The following TMCC1 variants were observed in gnomAD, a reference collection of about 807,000 sequenced individuals.
TMCC1 encodes transmembrane and coiled-coil domains protein 1.
Under a neutral mutation model 52.4 loss-of-function variants are expected in TMCC1, and 15 were observed. The observed-to-expected ratio is 0.29, with a 90% CI of 0.19 to 0.44. The LOEUF (loss-of-function observed/expected upper bound fraction) is 0.44, where lower values mean the gene tolerates loss of function less well. Among genes scored for constraint, TMCC1 ranks in the 20% least tolerant of loss-of-function variants. TMCC1 has a pLI of 1.00. For missense variants in TMCC1, 503 were observed against 806.0 expected, an observed-to-expected ratio of 0.62 and a Z score of 4.55; for synonymous variants, 279 against 301.9, an observed-to-expected ratio of 0.92 and a Z score of 0.79.
chr3:129,754,729 T>A (rs995095098), intron 4 of TMCC1, among the ~76,000 whole-genome samples: 2 of 152,140 alleles, frequency 1.3e-5, no homozygotes, highest in Admixed American at 6.5e-5. Flanking sequence ...ATAATTAATT[T>A]AAAATAGCCC....
At chr3:129,799,548 C>T (rs1210828371) in intron 4 of TMCC1, among the ~76,000 whole-genome samples, 2 of 152,122 alleles carry the variant, frequency 1.3e-5, no homozygotes, top group East Asian at 1.9e-4. Context: ...CGGTGGCTCA[C>T]GCTTGTAGTC....
At chr3:129,731,033 C>G (rs1388978100) in intron 4 of TMCC1, among the ~76,000 whole-genome samples, 1 of 152,064 alleles carries the variant, frequency 6.6e-6, no homozygotes, top group Non-Finnish European at 1.5e-5. Flanking sequence ...GAATTAAACC[C>G]GGAGAAGATC....
chr3:129,719,265 A>G (rs916288787), intron 4 of TMCC1, among the ~76,000 whole-genome samples: 26 of 152,212 alleles, frequency 1.7e-4, no homozygotes, highest in African/African-American at 6.3e-4. Flanking sequence ...TAAAAACCCA[A>G]AAGGACAGGG....
At chr3:129,821,312 T>G (rs1344715324) in intron 4 of TMCC1, among the ~76,000 whole-genome samples, 1 of 152,170 alleles carries the variant, frequency 6.6e-6, no homozygotes, top group Admixed American at 6.5e-5. Flanking sequence ...AAATTTTCCC[T>G]AAGCACTAAT....
At chr3:129,749,501 G>GA (rs61237906) in intron 4 of TMCC1, among the ~76,000 whole-genome samples, 32 of 150,388 alleles carry the variant, frequency 2.1e-4, no homozygotes, top group South Asian at 6.3e-4. Context: ...TCTCTTAAAA[G>GA]AAAAAAAAAT....
At chr3:129,855,996 A>C (rs1257398673) in intron 2 of TMCC1, among the ~76,000 whole-genome samples, 2 of 147,482 alleles carry the variant, frequency 1.4e-5, no homozygotes, top group Non-Finnish European at 2.9e-5. Flanking sequence ...CTCAGCAAGA[A>C]AGTTTAGTAA....
intron 4 of TMCC1, among the ~76,000 whole-genome samples, chr3:129,755,056 C>T (rs1034881297): frequency 9.2e-5 from 14 of 151,954 alleles, no homozygotes; most frequent in Non-Finnish European, 2.1e-4. Flanking sequence ...CCAGCTAGGG[C>T]GACAGAGTGA....
At chr3:129,716,077 GAC>G (rs1438350184) in intron 4 of TMCC1, among the ~76,000 whole-genome samples, 1 of 151,920 alleles carries the variant, frequency 6.6e-6, no homozygotes, top group Non-Finnish European at 1.5e-5. Flanking sequence ...TGCCTCGAGA[GAC>G]AACAGTCTAT....
At chr3:129,854,781 C>T (rs2060078025) in intron 2 of TMCC1, among the ~76,000 whole-genome samples, 1 of 152,212 alleles carries the variant, frequency 6.6e-6, no homozygotes, top group Admixed American at 6.5e-5. Context: ...GGTCAAATCT[C>T]ACTAATGTAA....
At chr3:129,756,482 T>C (rs1402682710) in intron 4 of TMCC1, among the ~76,000 whole-genome samples, 1 of 152,178 alleles carries the variant, frequency 6.6e-6, no homozygotes, top group East Asian at 1.9e-4. Context: ...GGTTGCAACC[T>C]TCGCCTCCCA....
chr3:129,690,600 A>C (rs1347256055), intron 4 of TMCC1, among the ~76,000 whole-genome samples: 2 of 152,172 alleles, frequency 1.3e-5, no homozygotes, highest in African/African-American at 4.8e-5. Context: ...AAAGGAAGTG[A>C]GTGTGTAACC....
chr3:129,802,134 G>A lies in TMCC1; in HGVS notation c.576+25669C>T, dbSNP rs568116339. Among the ~76,000 whole-genome samples, 4 of 152,256 alleles carry A rather than the reference G, an allele frequency of 2.6e-5. No individual in the cohort carries two copies. The South Asian group carries it at 8.3e-4, about 32-fold the overall frequency. On this transcript the variant is annotated intron_variant, in intron 4 of 6. Coordinates refer to ENST00000393238, the MANE Select transcript of TMCC1 (RefSeq NM_001017395.5). ...TATAGTCTTGTCTTGGGATTAATAT[G>A]TAACTATTCTATTACCTTATTTCTA... is the stretch of plus-strand genomic sequence containing the variant.
chr3:129,750,250 G>A (rs1319238378), intron 4 of TMCC1, among the ~76,000 whole-genome samples: 1 of 152,136 alleles, frequency 6.6e-6, no homozygotes, highest in Non-Finnish European at 1.5e-5. Context: ...GAGTGCAGTG[G>A]CGTGATCTTG....
intron 4 of TMCC1, among the ~76,000 whole-genome samples, chr3:129,674,203 G>T (rs996246674): frequency 3.3e-5 from 5 of 152,200 alleles, no homozygotes; most frequent in African/African-American, 1.2e-4. Flanking sequence ...CATTTTAGAT[G>T]TGATTTTATT....
rs199688769 is a variant in TMCC1, at chr3:129,763,902, TAAA to T, written c.576+63898_576+63900del. ...TTTAATATTAACCAGTCTACTTACT[TAAA>T]AAAAAAAAAAGTTTTAAAGATGGTT... is the stretch of plus-strand genomic sequence containing the variant. On this transcript the variant is annotated intron_variant, in intron 4 of 6. Coordinates refer to ENST00000393238, the MANE Select transcript of TMCC1 (RefSeq NM_001017395.5). Among the ~76,000 whole-genome samples the T allele has an allele frequency of 5.7e-5, 8 of 139,978 alleles. No homozygotes were observed. The East Asian group carries it at 1.4e-3, about 25-fold the overall frequency. 91.8% of individuals were successfully genotyped at this position (139,978 alleles called of 152,430 possible). A position where few individuals can be genotyped will look rare whatever the true frequency, so the allele number is the denominator to read the frequency against.
chr3:129,890,325 G>A (rs2061907085), intron 1 of TMCC1, among the ~76,000 whole-genome samples: 1 of 152,184 alleles, frequency 6.6e-6, no homozygotes, highest in Non-Finnish European at 1.5e-5. Context: ...CTGTTCAGTG[G>A]AGCCACAACA....
intron 4 of TMCC1, among the ~76,000 whole-genome samples, chr3:129,694,333 C>T (rs1273777937): frequency 1.3e-5 from 2 of 152,126 alleles, no homozygotes; most frequent in African/African-American, 4.8e-5. Flanking sequence ...TCAAGGATGC[C>T]CCTGTATGAC....
At position 129,649,828 on chromosome 3, in the gene TMCC1, C is replaced by G. The variant is rs190927756; in HGVS notation, c.*1653G>C. On this transcript the variant is annotated 3_prime_UTR_variant, in exon 7 of 7. Transcript: ENST00000393238. ...AAATAATATGGAAAGATTAACCAAG[C>G]TCTCTAGATAAACTCTAAATGTTCA... 202 of 152,514 alleles carry G rather than the reference C, an allele frequency of 1.3e-3. No individual in the cohort carries two copies. Among genetic ancestry groups the G allele is most frequent in the African/African-American group, 3.9e-3 (163 of 41,560 alleles). 9.4% of individuals were successfully genotyped at this position (152,514 alleles called of 1,614,324 possible). A position where few individuals can be genotyped will look rare whatever the true frequency, so the allele number is the denominator to read the frequency against.
At chr3:129,675,410 A>G (rs953669438) in intron 4 of TMCC1, among the ~76,000 whole-genome samples, 1 of 152,250 alleles carries the variant, frequency 6.6e-6, no homozygotes, top group Non-Finnish European at 1.5e-5. Flanking sequence ...CATTTCATCA[A>G]CTGTACTAAT....
Sources: gnomAD v4.1 joint callset for allele counts (sites outside exome capture counted in the v4.1 genomes callset) on GRCh38, gnomAD v4.1.1 for gene constraint, MANE v1.5 for transcripts, NCBI Gene and HGNC (gene_info 2026-07-23, HGNC 2026-07-21) for gene names.